Variants in RECQL5 observed in about 807,000 individuals in gnomAD.
The protein encoded by RECQL5 is ATP-dependent DNA helicase Q5.
RECQL5 carries 88 observed loss-of-function variants against 103.4 expected under a neutral mutation model. The ratio of observed to expected loss-of-function variants is 0.85; its 90% CI spans 0.72 to 1.02. The LOEUF is 1.02. Ranked by LOEUF, RECQL5 falls within the 50% of genes least tolerant of loss-of-function variation. The probability of loss-of-function intolerance (pLI) is 0.00; values close to 1 mark genes in which losing one functional copy is unlikely to be tolerated. For missense variants in RECQL5, 1,232 were observed against 1,284.3 expected (o/e 0.96, Z 0.62); for synonymous variants, 552 against 507.9 (o/e 1.09, Z -1.17).
At position 75,647,463 on chromosome 17, in the gene RECQL5, C is replaced by T. The variant is rs950165030; in HGVS notation, c.1229+3723G>A. The stretch of plus-strand genomic sequence containing the variant: ...ACCAGGGGGGCCTGGCAGTGATTAT[C>T]TTATTCATCACCGCTGTCCTGCTTC... On this transcript the variant is annotated intron_variant, in intron 8 of 19. Coordinates refer to ENST00000317905, the MANE Select transcript of RECQL5 (RefSeq NM_004259.7). 58 of 1,550,250 alleles carry T rather than the reference C, an allele frequency of 3.7e-5. No homozygotes were observed. In the African/African-American group the frequency reaches 7.2e-4, roughly 19 times the overall value.
rs764102120 is a variant in RECQL5 at position 75,627,378 on chromosome 17, T to C, written c.*44A>G. On this transcript the variant is annotated 3_prime_UTR_variant, in exon 20 of 20. Transcript: ENST00000317905. Reference sequence around the variant, plus strand: ...AGGTGAGGCCCAGGATGACCCATGCTAGAATCTGGGGGAGGACGCGGGCCC... The same window carrying C: ...AGGTGAGGCCCAGGATGACCCATGCCAGAATCTGGGGGAGGACGCGGGCCC... The C allele has an allele frequency of 1.4e-6, 2 of 1,461,216 alleles. No homozygotes were observed. The highest frequency in any genetic ancestry group is 1.9e-6 in the Non-Finnish European group (2 of 1,042,706). 90.5% of individuals were successfully genotyped at this position (1,461,216 alleles called of 1,614,324 possible).
intron 14 of RECQL5, 111 bp downstream of exon 14, chr17:75,630,073 G>C (rs1297161952): frequency 1.0e-6 from 1 of 1,003,322 alleles, no homozygotes; most frequent in Admixed American, 2.8e-5. Flanking sequence ...GGGGTGGGCT[G>C]GGGAGGGTGA....
intron 8 of RECQL5, among the ~76,000 whole-genome samples, chr17:75,635,630 C>A (rs923178205): frequency 4.1e-4 from 62 of 152,340 alleles, no homozygotes; most frequent in East Asian, 3.9e-4. Flanking sequence ...GGGCATCCCC[C>A]CCGGCTGCTC....
intron 2 of RECQL5, 62 bp downstream of exon 2, chr17:75,666,366 T>C: frequency 6.3e-7 from 1 of 1,581,796 alleles, no homozygotes; most frequent in Non-Finnish European, 8.6e-7. Flanking sequence ...AGGAGGGTGT[T>C]CTGCCGCAGC....
intron 18 of RECQL5, among the ~76,000 whole-genome samples, chr17:75,627,994 G>A (rs1399242071): frequency 1.3e-5 from 2 of 150,168 alleles, no homozygotes; most frequent in Non-Finnish European, 3.0e-5. Context: ...ACTCCAGCCT[G>A]GGCGACAGAG....
chr17:75,664,042 G>A (rs1408542751), intron 3 of RECQL5, among the ~76,000 whole-genome samples: 1 of 91,188 alleles, frequency 1.1e-5, no homozygotes, highest in African/African-American at 3.8e-5. Context: ...CAACAAGAGC[G>A]AAACTCCATC....
At chr17:75,657,649 G>A (rs1432301415) in intron 7 of RECQL5, among the ~76,000 whole-genome samples, 1 of 151,384 alleles carries the variant, frequency 6.6e-6, no homozygotes, top group African/African-American at 2.4e-5. Flanking sequence ...AGCTACTCAA[G>A]GTGGGAAGAT....
chr17:75,630,347 G>A, intron 13 of RECQL5, 70 bp from the exon 14 acceptor site: 1 of 1,376,356 alleles, frequency 7.3e-7, no homozygotes, highest in Non-Finnish European at 9.9e-7. Flanking sequence ...GCTCTTGCGG[G>A]ACTCCAGGCC....
chr17:75,662,453 G>A (rs2059712190), intron 4 of RECQL5, 26 bp downstream of exon 4: 1 of 1,603,658 alleles, frequency 6.2e-7, no homozygotes. Flanking sequence ...TCTAACAGCT[G>A]CTTGGCCTCC....
chr17:75,630,681 G>A lies in RECQL5; in HGVS notation c.1656C>T (p.His552=). The A allele has an allele frequency of 6.2e-7, 1 of 1,613,652 alleles. No individual in the cohort carries two copies. The highest frequency in any genetic ancestry group is 1.1e-5 in the South Asian group (1 of 91,088). The change falls in exon 13 of 20, where the codon CAC becomes CAT. Residue 552 remains histidine (H), a synonymous_variant. Transcript: ENST00000317905. The part of the protein sequence containing the change: ...IPRLTVKARE[H]CLRLLEEALS... ...GCGCCTCCTCCAGAAGCCGCAGGCA[G>A]TGCTCCCGTGCCTGGCACAGGACAG...
chr17:75,657,216 A>C (rs1331743265), intron 7 of RECQL5, among the ~76,000 whole-genome samples: 1 of 152,124 alleles, frequency 6.6e-6, no homozygotes, highest in Admixed American at 6.5e-5. Flanking sequence ...AAAACAAACA[A>C]ACAAAAAACA....
At chr17:75,653,583 T>C (rs560754063) in intron 7 of RECQL5, among the ~76,000 whole-genome samples, 3 of 152,304 alleles carry the variant, frequency 2.0e-5, no homozygotes, top group African/African-American at 7.2e-5. Flanking sequence ...TTTAAAATAC[T>C]GTGAATTATT....
intron 8 of RECQL5, chr17:75,647,925 G>A (rs546749401): frequency 4.8e-6 from 1 of 209,110 alleles, no homozygotes; most frequent in African/African-American, 2.3e-5. Context: ...ACAAATCCTT[G>A]ACAGAGAAAG....
intron 3 of RECQL5, 84 bp from the exon 4 acceptor site, chr17:75,663,081 A>T: frequency 1.5e-6 from 2 of 1,343,726 alleles, no homozygotes; most frequent in Non-Finnish European, 2.0e-6. Flanking sequence ...TCCCAGTCAT[A>T]AACTGTCCTC....
At position 75,630,842 on chromosome 17, in the gene RECQL5, G is replaced by T. The variant is rs559313761; in HGVS notation, c.1586-5C>A. Reference sequence around the variant, plus strand: ...CTTTCAGGGGACAGTTCTCATCTGTGGGGGGGGGGGGTGGTCCTTGGTCCT... The same window carrying T: ...CTTTCAGGGGACAGTTCTCATCTGTTGGGGGGGGGGGTGGTCCTTGGTCCT... On this transcript the variant is annotated splice_polypyrimidine_tract_variant and splice_region_variant and intron_variant, in intron 11 of 19. Transcript: ENST00000317905. The T allele has an allele frequency of 6.8e-5, 85 of 1,255,690 alleles. 2 individuals carry two copies. The Admixed American group carries it at 7.2e-4, about 11-fold the overall frequency. The allele number at this position is 1,255,690 out of a possible 1,614,324, so 77.8% of individuals were successfully genotyped here.
chr17:75,637,873 G>A (rs1357140082), intron 8 of RECQL5: 1 of 152,492 alleles, frequency 6.6e-6, no homozygotes, highest in Admixed American at 6.5e-5. Context: ...GAGACAGCGT[G>A]GGGCACCAGT....
At chr17:75,641,243 A>G (rs1416934736) in intron 8 of RECQL5, 2 of 230,564 alleles carry the variant, frequency 8.7e-6, no homozygotes, top group Non-Finnish European at 1.8e-5. Flanking sequence ...CCTGTGGGCA[A>G]TTGGCCCTTG....
chr17:75,630,154 C>T (rs564304667), intron 14 of RECQL5, 30 bp downstream of exon 14: 23 of 1,513,388 alleles, frequency 1.5e-5, no homozygotes, highest in South Asian at 1.0e-4. Context: ...GCCCCTGCAA[C>T]GACCCTGGGT....
At position 75,628,755 on chromosome 17, in the gene RECQL5, G is replaced by A. The variant is rs377702915; in HGVS notation, c.2497C>T (p.Pro833Ser). Residue 833 changes from proline to serine, a missense_variant, in exon 17 of 20, where the codon CCG (proline) becomes TCG (serine). Pro to Ser is a moderately conservative substitution (Grantham distance 74). Transcript: ENST00000317905. ...TCAGGGGTGCCCTGGTCTCTGGGCG[G>A]GCAGGTGCTGGTAGAGGGAAGAGCA... The part of the protein sequence containing the change: ...ECLRERPSTC[P>S]PRDQGTPEVQ... 13 of 1,594,372 alleles carry A rather than the reference G, an allele frequency of 8.2e-6. No homozygotes were observed. The highest frequency in any genetic ancestry group is 1.1e-5 in the Non-Finnish European group (13 of 1,175,410).
Sources: gnomAD v4.1 joint callset for allele counts (sites outside exome capture counted in the v4.1 genomes callset) on GRCh38, gnomAD v4.1.1 for gene constraint, MANE v1.5 for transcripts, NCBI Gene and HGNC (gene_info 2026-07-23, HGNC 2026-07-21) for gene names.